The following ARHGAP22 variants were observed in gnomAD, a reference collection of about 807,000 sequenced individuals.
The protein encoded by ARHGAP22 is Rho GTPase activating protein 22, also known as rho GTPase-activating protein 22.
In ARHGAP22, 48 loss-of-function variants were observed where a neutral mutation model predicts 59.1. That is an observed-to-expected ratio of 0.81 (90% confidence interval 0.64 to 1.03). The LOEUF (loss-of-function observed/expected upper bound fraction) is 1.03, where lower values mean the gene tolerates loss of function less well. Among genes scored for constraint, ARHGAP22 ranks in the 50% least tolerant of loss-of-function variants. The pLI is 0.00. For missense variants in ARHGAP22, 1,015 were observed against 958.7 expected (o/e 1.06, Z -0.78); for synonymous variants, 445 against 416.4 (o/e 1.07, Z -0.84).
At chr10:48,529,037 C>T (rs2054585113) in intron 3 of ARHGAP22, among the ~76,000 whole-genome samples, 1 of 152,210 alleles carries the variant, frequency 6.6e-6, no homozygotes, top group Admixed American at 6.5e-5. Flanking sequence ...CTAACACAGT[C>T]CTCCAATGGG....
chr10:48,503,712 G>A (rs948481113), intron 3 of ARHGAP22, among the ~76,000 whole-genome samples: 2 of 152,224 alleles, frequency 1.3e-5, no homozygotes, highest in South Asian at 2.1e-4. Context: ...AATGTGCATC[G>A]ATGTCCCCTC....
At chr10:48,523,802 G>A (rs2054054007) in intron 3 of ARHGAP22, among the ~76,000 whole-genome samples, 1 of 151,716 alleles carries the variant, frequency 6.6e-6, no homozygotes, top group South Asian at 2.1e-4. Context: ...TCCCGCCCAG[G>A]GGCCGGACCC....
chr10:48,481,829 G>T (rs2049352241), intron 3 of ARHGAP22, among the ~76,000 whole-genome samples: 1 of 152,178 alleles, frequency 6.6e-6, no homozygotes, highest in Non-Finnish European at 1.5e-5. Context: ...TAGGTGTGCA[G>T]GTGTTTGAAT....
chr10:48,652,104 C>A, intron 1 of ARHGAP22: 1 of 848,434 alleles, frequency 1.2e-6, no homozygotes, highest in Admixed American at 2.1e-5. Context: ...GAGGTCAGAA[C>A]CCTGACCACA....
rs116551856 is a variant in ARHGAP22, at chr10:48,479,332, A to G, written c.451+304T>C. 1,622 of 491,702 alleles carry G rather than the reference A, an allele frequency of 3.3e-3. 23 individuals carry two copies. Among genetic ancestry groups the G allele is most frequent in the African/African-American group, 0.03 (1,485 of 50,208 alleles). The allele number at this position is 491,702 out of a possible 1,614,324, so 30.5% of individuals were successfully genotyped here. A position where few individuals can be genotyped will look rare whatever the true frequency, so the allele number is the denominator to read the frequency against. On this transcript the variant is annotated intron_variant, in intron 4 of 9. Transcript: ENST00000249601. ...TGTCCTTGTCTACCATCCCTCCCAC[A>G]GAGAATGGAGATGAGGGAAGGCGGA...
intron 1 of ARHGAP22, among the ~76,000 whole-genome samples, chr10:48,647,134 T>C (rs2136193320): frequency 6.6e-6 from 1 of 152,288 alleles, no homozygotes; most frequent in Admixed American, 6.5e-5. Flanking sequence ...TGGTTTACAC[T>C]TGTAATCCCA....
Position 48,538,685 on chromosome 10 carries a change from G to A in ARHGAP22, c.322+16778C>T, listed in dbSNP as rs567533141. Reference sequence around the variant, plus strand: ...CACCTGGGAATGCACTACAGTAGGCGTTTGGATCCAGTAAAGGAAAGCTTG... The same window carrying A: ...CACCTGGGAATGCACTACAGTAGGCATTTGGATCCAGTAAAGGAAAGCTTG... On this transcript the variant is annotated intron_variant, in intron 3 of 9. Coordinates refer to ENST00000249601, the MANE Select transcript of ARHGAP22 (RefSeq NM_021226.4). 1.1e-4 allele frequency among the ~76,000 whole-genome samples: 16 copies of A among 152,320 alleles called. No homozygotes were observed. In the South Asian group the frequency reaches 2.7e-3, roughly 26 times the overall value.
chr10:48,581,187 T>G (rs1194222859), intron 2 of ARHGAP22, among the ~76,000 whole-genome samples: 1 of 152,194 alleles, frequency 6.6e-6, no homozygotes, highest in Non-Finnish European at 1.5e-5. Flanking sequence ...GAACTCACTT[T>G]CCAGAGCTCA....
At chr10:48,648,568 C>T (rs1226821264) in intron 1 of ARHGAP22, among the ~76,000 whole-genome samples, 1 of 152,196 alleles carries the variant, frequency 6.6e-6, no homozygotes, top group Non-Finnish European at 1.5e-5. Flanking sequence ...ACCCAGGTGA[C>T]CCGGTGGTTG....
At chr10:48,567,188 G>A (rs766406237) in intron 2 of ARHGAP22, among the ~76,000 whole-genome samples, 1 of 152,198 alleles carries the variant, frequency 6.6e-6, no homozygotes, top group Non-Finnish European at 1.5e-5. Flanking sequence ...TACCCCTTCA[G>A]GCAGCCTCAT....
At chr10:48,501,614 A>G (rs1230640614) in intron 3 of ARHGAP22, among the ~76,000 whole-genome samples, 1 of 152,244 alleles carries the variant, frequency 6.6e-6, no homozygotes, top group Non-Finnish European at 1.5e-5. Flanking sequence ...ATGACCCAGC[A>G]ATCTATTCCT....
chr10:48,600,175 A>G (rs2060298324), intron 1 of ARHGAP22, among the ~76,000 whole-genome samples: 1 of 152,218 alleles, frequency 6.6e-6, no homozygotes, highest in Non-Finnish European at 1.5e-5. Context: ...GGCACATTCT[A>G]AACACTCAAC....
chr10:48,637,715 G>T (rs1485615909), intron 1 of ARHGAP22, among the ~76,000 whole-genome samples: 2 of 152,126 alleles, frequency 1.3e-5, no homozygotes, highest in African/African-American at 4.8e-5. Context: ...TGGGTGAATG[G>T]ATGGTGCTGG....
intron 4 of ARHGAP22, among the ~76,000 whole-genome samples, chr10:48,477,918 T>G (rs2048898758): frequency 6.6e-6 from 1 of 152,236 alleles, no homozygotes; most frequent in Non-Finnish European, 1.5e-5. Context: ...ATGTATAGCT[T>G]ATCTTTTCAT....
intron 1 of ARHGAP22, among the ~76,000 whole-genome samples, chr10:48,621,883 A>T (rs2061298272): frequency 6.6e-6 from 1 of 152,162 alleles, no homozygotes; most frequent in South Asian, 2.1e-4. Context: ...TAATGCTTTT[A>T]CTAATATATA....
intron 3 of ARHGAP22, among the ~76,000 whole-genome samples, chr10:48,501,262 A>G (rs930499772): frequency 6.6e-6 from 1 of 152,248 alleles, no homozygotes; most frequent in African/African-American, 2.4e-5. Flanking sequence ...AAGGCAGGGA[A>G]ACAGGGAGAC....
intron 3 of ARHGAP22, among the ~76,000 whole-genome samples, chr10:48,490,280 G>GAATCCTCTATCCTGAGGGGAATCCTGA (rs1285375354): frequency 2.6e-5 from 4 of 152,188 alleles, no homozygotes; most frequent in East Asian, 1.9e-4. Context: ...GGATAGAGGG[G>GAATCCTCTATCCTGAGGGGAATCCTGA]GATTTCTCAG....
At chr10:48,463,814 C>G (rs970904501) in intron 4 of ARHGAP22, among the ~76,000 whole-genome samples, 1 of 152,232 alleles carries the variant, frequency 6.6e-6, no homozygotes, top group African/African-American at 2.4e-5. Context: ...GGGCTTGCAG[C>G]AGAGGCCAAG....
At chr10:48,648,865 C>T (rs187683573) in intron 1 of ARHGAP22, among the ~76,000 whole-genome samples, 19 of 152,134 alleles carry the variant, frequency 1.2e-4, no homozygotes, top group Non-Finnish European at 2.4e-4. Flanking sequence ...GGTAAGTGGC[C>T]TGGGCATCCA....
Sources: allele counts gnomAD v4.1 joint callset (sites outside exome capture counted in the v4.1 genomes callset), GRCh38; gene constraint gnomAD v4.1.1; transcripts MANE v1.5; gene names NCBI Gene and HGNC (gene_info 2026-07-23, HGNC 2026-07-21).